Variants in EXT1 observed in about 807,000 individuals in gnomAD.
EXT1 encodes the protein exostosin glycosyltransferase 1.
A neutral mutation model predicts 82.5 loss-of-function variants in EXT1; 20 were observed. That is an observed-to-expected ratio of 0.24 (90% CI 0.17 to 0.35). EXT1 has a LOEUF of 0.35. Among genes scored for constraint, EXT1 ranks in the 10% least tolerant of loss-of-function variants. The pLI, the probability that EXT1 is intolerant of heterozygous loss-of-function variation, is 1.00. For synonymous variants in EXT1, 348 were observed against 350.8 expected (o/e 0.99, Z 0.09); for missense variants, 757 against 936.5 (o/e 0.81, Z 2.50).
chr8:117,858,409 C>T (rs758860430), intron 1 of EXT1, among the ~76,000 whole-genome samples: 2 of 152,160 alleles, frequency 1.3e-5, no homozygotes, highest in South Asian at 4.1e-4. Context: ...CAGTGGCTCA[C>T]GCCTGTAATC....
At chr8:118,102,005 G>A (rs1357263238) in intron 1 of EXT1, among the ~76,000 whole-genome samples, 1 of 150,916 alleles carries the variant, frequency 6.6e-6, no homozygotes, top group Non-Finnish European at 1.5e-5. Context: ...TGTAGCTCAC[G>A]CCTGTAATCC....
At chr8:117,991,283 A>G (rs1044892524) in intron 1 of EXT1, among the ~76,000 whole-genome samples, 1 of 151,846 alleles carries the variant, frequency 6.6e-6, no homozygotes, top group African/African-American at 2.4e-5. Context: ...GCTAAATTTT[A>G]TATTTGTGAA....
chr8:117,954,298 G>A (rs1032506534), intron 1 of EXT1, among the ~76,000 whole-genome samples: 6 of 152,166 alleles, frequency 3.9e-5, no homozygotes, highest in Admixed American at 6.5e-5. Flanking sequence ...CCACTAACGG[G>A]TTCCAGGAAA....
intron 1 of EXT1, among the ~76,000 whole-genome samples, chr8:117,983,544 C>T (rs1327911814): frequency 6.6e-6 from 1 of 152,086 alleles, no homozygotes; most frequent in Non-Finnish European, 1.5e-5. Context: ...TCAGTAGTAA[C>T]AGCCCCAATG....
chr8:117,997,914 C>CT, intron 1 of EXT1, among the ~76,000 whole-genome samples: 1 of 152,210 alleles, frequency 6.6e-6, no homozygotes, highest in East Asian at 1.9e-4. Flanking sequence ...CTGTAACATC[C>CT]TTCATGGTTC....
chr8:117,853,068 T>C (rs1424365608), intron 1 of EXT1, among the ~76,000 whole-genome samples: 1 of 152,170 alleles, frequency 6.6e-6, no homozygotes, highest in Non-Finnish European at 1.5e-5. Context: ...CTTTGAGCAG[T>C]GCTGACAGTA....
chr8:117,853,573 G>A (rs774472256), intron 1 of EXT1, among the ~76,000 whole-genome samples: 1 of 152,246 alleles, frequency 6.6e-6, no homozygotes, highest in South Asian at 2.1e-4. Flanking sequence ...ATTGACCCAC[G>A]TTACAGATAG....
At chr8:117,924,558 A>G (rs1813918368) in intron 1 of EXT1, among the ~76,000 whole-genome samples, 1 of 152,318 alleles carries the variant, frequency 6.6e-6, no homozygotes, top group Non-Finnish European at 1.5e-5. Flanking sequence ...CTGACCTCAC[A>G]TTGTTCTCCT....
chr8:118,039,413 G>A (rs1351229106), intron 1 of EXT1, among the ~76,000 whole-genome samples: 2 of 151,432 alleles, frequency 1.3e-5, no homozygotes, highest in East Asian at 3.9e-4. Context: ...TACAAAAATT[G>A]GCTGGGCCTA....
At chr8:117,841,675 G>A (rs1812277515) in intron 1 of EXT1, among the ~76,000 whole-genome samples, 1 of 152,076 alleles carries the variant, frequency 6.6e-6, no homozygotes, top group Non-Finnish European at 1.5e-5. Flanking sequence ...AAAGGTAGAA[G>A]AATTTTCACA....
intron 1 of EXT1, among the ~76,000 whole-genome samples, chr8:117,930,507 C>T (rs1003208225): frequency 6.6e-6 from 1 of 152,108 alleles, no homozygotes; most frequent in South Asian, 2.1e-4. Flanking sequence ...AACCCCCATC[C>T]CCAAAAAAAC....
intron 1 of EXT1, among the ~76,000 whole-genome samples, chr8:117,855,159 C>A (rs777649433): frequency 1.4e-4 from 22 of 152,170 alleles, no homozygotes; most frequent in Non-Finnish European, 3.1e-4. Flanking sequence ...GTAAAGTTGT[C>A]GGAAATCATC....
At chr8:117,814,042 A>G (rs1391856429) in intron 7 of EXT1, among the ~76,000 whole-genome samples, 1 of 151,462 alleles carries the variant, frequency 6.6e-6, no homozygotes, top group African/African-American at 2.4e-5. Context: ...AGAAGAAAGA[A>G]GAAGGAGGAG....
At chr8:117,908,738 G>A (rs962009252) in intron 1 of EXT1, among the ~76,000 whole-genome samples, 7 of 152,166 alleles carry the variant, frequency 4.6e-5, no homozygotes, top group African/African-American at 1.7e-4. Flanking sequence ...TAAGGAAATC[G>A]TTATTAGCCC....
intron 1 of EXT1, among the ~76,000 whole-genome samples, chr8:117,989,676 G>A (rs1216672047): frequency 6.6e-6 from 1 of 152,152 alleles, no homozygotes; most frequent in Non-Finnish European, 1.5e-5. Flanking sequence ...AAAAAGTTCA[G>A]AACAGGAAGT....
chr8:117,807,510 A>G, intron 8 of EXT1, 133 bp from the exon 9 acceptor site: 3 of 994,668 alleles, frequency 3.0e-6, no homozygotes, highest in Non-Finnish European at 4.6e-6. Flanking sequence ...TGTATTCATC[A>G]GCAAATTAAA....
At chr8:117,944,356 G>A (rs1814345219) in intron 1 of EXT1, among the ~76,000 whole-genome samples, 1 of 152,170 alleles carries the variant, frequency 6.6e-6, no homozygotes. Context: ...GCAAGATTGT[G>A]CCACTGTACT....
rs140869096 is a variant in EXT1 at position 118,054,278 on chromosome 8, C to G, written c.962+55807G>C. ...TTCCTAGTAAGTAGGATTTCTTGCC[C>G]TTCCCCTACCTGATCTCCCCTACTT... On this transcript the variant is annotated intron_variant, in intron 1 of 10. Coordinates refer to ENST00000378204, the MANE Select transcript of EXT1 (RefSeq NM_000127.3). 5.2e-3 allele frequency among the ~76,000 whole-genome samples: 799 copies of G among 152,258 alleles called. 7 individuals are homozygous for G. The highest frequency in any genetic ancestry group is 0.018 in the South Asian group (85 of 4,822).
At chr8:118,090,635 T>C (rs988093651) in intron 1 of EXT1, among the ~76,000 whole-genome samples, 14 of 151,252 alleles carry the variant, frequency 9.3e-5, no homozygotes, top group African/African-American at 3.4e-4. Flanking sequence ...AAAAATTAAC[T>C]GCGCATGGTG....
Sources: gnomAD v4.1 joint callset for allele counts (sites outside exome capture counted in the v4.1 genomes callset) on GRCh38, gnomAD v4.1.1 for gene constraint, MANE v1.5 for transcripts, NCBI Gene and HGNC (gene_info 2026-07-23, HGNC 2026-07-21) for gene names.